Variants in STK32B observed in about 807,000 individuals in gnomAD.
STK32B encodes the protein serine/threonine-protein kinase 32B.
A neutral mutation model predicts 52.6 loss-of-function variants in STK32B; 43 were observed. That is an observed-to-expected ratio of 0.82 (90% confidence interval 0.64 to 1.05). STK32B has a LOEUF of 1.05. STK32B is among the 50% of genes least tolerant of loss of function. The pLI is 0.00. For synonymous variants in STK32B, 238 were observed against 204.3 expected (o/e 1.17, Z -1.41); for missense variants, 621 against 534.6 (o/e 1.16, Z -1.59).
At chr4:5,202,588 C>A (rs769946278) in intron 3 of STK32B, among the ~76,000 whole-genome samples, 19 of 152,268 alleles carry the variant, frequency 1.2e-4, no homozygotes, top group Non-Finnish European at 2.1e-4. Flanking sequence ...GAGGGCTCCA[C>A]CACTGCAGCA....
intron 9 of STK32B, among the ~76,000 whole-genome samples, chr4:5,464,126 C>T (rs1002930047): frequency 2.0e-5 from 3 of 152,134 alleles, no homozygotes; most frequent in African/African-American, 7.2e-5. Context: ...GGGTGCCACA[C>T]GCTCTTAAAC....
chr4:5,293,303 C>T (rs1729000516), intron 3 of STK32B, among the ~76,000 whole-genome samples: 1 of 151,842 alleles, frequency 6.6e-6, no homozygotes, highest in African/African-American at 2.4e-5. Context: ...GGGTATATAC[C>T]CAGTAATGAC....
intron 1 of STK32B, among the ~76,000 whole-genome samples, chr4:5,108,775 G>C (rs1714243903): frequency 6.6e-6 from 1 of 152,194 alleles, no homozygotes; most frequent in South Asian, 2.1e-4. Context: ...ATCTGCCGAT[G>C]CTGTGAGTCT....
chr4:5,486,606 A>C (rs1199143644), intron 11 of STK32B, among the ~76,000 whole-genome samples: 1 of 152,172 alleles, frequency 6.6e-6, no homozygotes, highest in African/African-American at 2.4e-5. Flanking sequence ...CCCACTGTCC[A>C]ACACTCCCCA....
intron 2 of STK32B, among the ~76,000 whole-genome samples, chr4:5,154,272 A>G (rs1272459454): frequency 1.4e-5 from 2 of 147,534 alleles, no homozygotes; most frequent in East Asian, 2.0e-4. Context: ...CTGGAGTGCA[A>G]TGGCACGATC....
chr4:5,300,025 A>C (rs1604674), intron 3 of STK32B, among the ~76,000 whole-genome samples: 22,184 of 145,670 alleles, frequency 0.15, 1,910 homozygotes, highest in African/African-American at 0.27. Flanking sequence ...ATAGACATAC[A>C]TGCCAATATC....
intron 1 of STK32B, among the ~76,000 whole-genome samples, chr4:5,078,688 C>G (rs1169361029): frequency 1.3e-5 from 2 of 152,100 alleles, no homozygotes; most frequent in African/African-American, 4.8e-5. Flanking sequence ...GATGGAGCAC[C>G]CTCCATCTAC....
chr4:5,040,086 G>A, the STK32B span, among the ~76,000 whole-genome samples: 3 of 152,230 alleles, frequency 2.0e-5, no homozygotes, highest in African/African-American at 4.8e-5. Context: ...TAGGAGATGC[G>A]GTCGGTGCAT....
intron 6 of STK32B, among the ~76,000 whole-genome samples, chr4:5,444,144 G>T (rs11736370): frequency 1.2e-4 from 18 of 151,900 alleles, no homozygotes; most frequent in East Asian, 5.9e-4. Context: ...TGGAGCTTCC[G>T]GGCTGCTTTG....
At chr4:5,217,360 G>A (rs1413498811) in intron 3 of STK32B, among the ~76,000 whole-genome samples, 1 of 152,168 alleles carries the variant, frequency 6.6e-6, no homozygotes, top group Admixed American at 6.5e-5. Flanking sequence ...GAGAAAGGAA[G>A]TCTGCAGAAC....
chr4:5,159,667 G>GAATA (rs1718241683), intron 2 of STK32B, among the ~76,000 whole-genome samples: 6 of 24,868 alleles, frequency 2.4e-4, no homozygotes, highest in African/African-American at 1.1e-3. Context: ...ATATATGAAT[G>GAATA]TATATGAATA....
At chr4:5,020,955 G>T in the STK32B span, among the ~76,000 whole-genome samples, 2 of 152,130 alleles carry the variant, frequency 1.3e-5, no homozygotes, top group Non-Finnish European at 2.9e-5. Flanking sequence ...TGCCTCCAAA[G>T]CTTCCTCCAA....
intron 3 of STK32B, among the ~76,000 whole-genome samples, chr4:5,253,661 C>G (rs1726100060): frequency 6.6e-6 from 1 of 152,058 alleles, no homozygotes; most frequent in South Asian, 2.1e-4. Flanking sequence ...AGGCGTGAGA[C>G]ACTGCACCCA....
At chr4:5,495,244 G>A (rs1045228703) in intron 11 of STK32B, among the ~76,000 whole-genome samples, 1 of 152,060 alleles carries the variant, frequency 6.6e-6, no homozygotes, top group Non-Finnish European at 1.5e-5. Flanking sequence ...TTTTCACATA[G>A]TCCCATATTT....
chr4:5,263,063 T>C (rs1351997003), intron 3 of STK32B, among the ~76,000 whole-genome samples: 1 of 152,060 alleles, frequency 6.6e-6, no homozygotes, highest in African/African-American at 2.4e-5. Flanking sequence ...CTTATTTTAT[T>C]GAATTGGCTT....
chr4:5,047,031 A>T (rs916048694), upstream of STK32B, among the ~76,000 whole-genome samples: 1 of 152,210 alleles, frequency 6.6e-6, no homozygotes, highest in African/African-American at 2.4e-5. Context: ...ATAAGGACAC[A>T]TGCACACATA....
chr4:5,024,310 A>C, the STK32B span, among the ~76,000 whole-genome samples: 1 of 152,204 alleles, frequency 6.6e-6, no homozygotes, highest in Non-Finnish European at 1.5e-5. Context: ...GAGCACAGCC[A>C]AGGCTTCCCT....
Position 5,500,894 on chromosome 4 carries a change from A to AATT in STK32B, c.*1813_*1815dup, listed in dbSNP as rs1720675650. 6.6e-6 allele frequency: 1 copy of AATT among 152,058 alleles called. No individual in the cohort carries two copies. The highest frequency in any genetic ancestry group is 6.6e-5 in the Admixed American group (1 of 15,254). 9.4% of individuals were successfully genotyped at this position (152,058 alleles called of 1,614,324 possible). ...TTTTTTTTATTGGGCTGAGTTCACG[A>AATT]ATTAGGGGCAGGAGCTGGAAGTCGC... On this transcript the variant is annotated 3_prime_UTR_variant, in exon 12 of 12. Transcript: ENST00000282908.
chr4:5,175,818 C>G (rs569541415), intron 3 of STK32B, among the ~76,000 whole-genome samples: 32 of 152,370 alleles, frequency 2.1e-4, no homozygotes, highest in African/African-American at 6.7e-4. Context: ...AACCACTACT[C>G]TGTTCAAAGC....
Sources: gnomAD v4.1 joint callset for allele counts (sites outside exome capture counted in the v4.1 genomes callset) on GRCh38, gnomAD v4.1.1 for gene constraint, MANE v1.5 for transcripts, NCBI Gene and HGNC (gene_info 2026-07-23, HGNC 2026-07-21) for gene names.